Variants in IRAK1BP1 observed in about 807,000 individuals in gnomAD.
IRAK1BP1 encodes the protein interleukin-1 receptor-associated kinase 1-binding protein 1.
Under a neutral mutation model 28.0 loss-of-function variants are expected in IRAK1BP1, and 24 were observed. That is an observed-to-expected ratio of 0.86 (90% CI 0.62 to 1.20). The LOEUF is 1.20. IRAK1BP1 is among the 50% of genes most tolerant of loss of function. The probability of loss-of-function intolerance (pLI) is 0.00; values close to 1 mark genes in which losing one functional copy is unlikely to be tolerated. For missense variants in IRAK1BP1, 336 were observed against 316.7 expected, an observed-to-expected ratio of 1.06 and a Z score of -0.46; for synonymous variants, 131 against 116.3, an observed-to-expected ratio of 1.13 and a Z score of -0.81.
chr6:78,974,689 A>G, the IRAK1BP1 span, among the ~76,000 whole-genome samples: 1 of 152,212 alleles, frequency 6.6e-6, no homozygotes, highest in Non-Finnish European at 1.5e-5. Context: ...GATAAAGGGG[A>G]TATCACCACC....
At chr6:78,970,816 G>A in the IRAK1BP1 span, 1 of 1,610,320 alleles carries the variant, frequency 6.2e-7, no homozygotes, top group Non-Finnish European at 8.5e-7. Context: ...TGTTTTTTGG[G>A]ATTGATACTA....
chr6:78,915,218 C>G (rs1772530173), intron 4 of IRAK1BP1, among the ~76,000 whole-genome samples: 1 of 152,158 alleles, frequency 6.6e-6, no homozygotes, highest in East Asian at 1.9e-4. Flanking sequence ...CTGTATATTA[C>G]AATGCATATG....
At chr6:78,945,175 A>G (rs1773733851) in intron 4 of IRAK1BP1, 1 of 686,460 alleles carries the variant, frequency 1.5e-6, no homozygotes. Flanking sequence ...TAAATTTATC[A>G]ACTAATACAG....
chr6:78,951,098 T>C (rs1256018307), downstream of IRAK1BP1, among the ~76,000 whole-genome samples: 1 of 152,148 alleles, frequency 6.6e-6, no homozygotes, highest in Non-Finnish European at 1.5e-5. Context: ...GTTTGATCCA[T>C]AGATTATTTA....
At chr6:78,879,877 G>A (rs1224965426) in intron 1 of IRAK1BP1, among the ~76,000 whole-genome samples, 1 of 152,212 alleles carries the variant, frequency 6.6e-6, no homozygotes, top group Non-Finnish European at 1.5e-5. Flanking sequence ...AGATATAGTA[G>A]TGAGGTTGGT....
chr6:78,891,883 A>AT (rs1164251474), intron 2 of IRAK1BP1, among the ~76,000 whole-genome samples: 6 of 152,156 alleles, frequency 3.9e-5, no homozygotes, highest in African/African-American at 1.4e-4. Context: ...TTTTCCTTGC[A>AT]TGCCTGCTAT....
the IRAK1BP1 span, among the ~76,000 whole-genome samples, chr6:78,973,202 A>G: frequency 1.3e-5 from 2 of 152,130 alleles, no homozygotes; most frequent in African/African-American, 2.4e-5. Context: ...TACAAGCCAG[A>G]AGAGAGTGGG....
chr6:78,897,385 A>G (rs992365745), intron 2 of IRAK1BP1, among the ~76,000 whole-genome samples: 1 of 152,176 alleles, frequency 6.6e-6, no homozygotes, highest in African/African-American at 2.4e-5. Flanking sequence ...AGAGTGAAAT[A>G]CATTAGCTTC....
intron 2 of IRAK1BP1, among the ~76,000 whole-genome samples, chr6:78,890,450 G>A (rs1481979908): frequency 2.0e-5 from 3 of 150,934 alleles, no homozygotes; most frequent in Non-Finnish European, 4.4e-5. Flanking sequence ...AGCACAGAGT[G>A]AAAGAGAATA....
chr6:78,933,624 A>G (rs1220922028), intron 4 of IRAK1BP1, among the ~76,000 whole-genome samples: 1 of 151,908 alleles, frequency 6.6e-6, no homozygotes, highest in Admixed American at 6.6e-5. Context: ...TCAAACAAAA[A>G]CAAAAACCAA....
At chr6:78,875,676 A>C (rs1206309613) in intron 1 of IRAK1BP1, among the ~76,000 whole-genome samples, 1 of 152,194 alleles carries the variant, frequency 6.6e-6, no homozygotes, top group Non-Finnish European at 1.5e-5. Flanking sequence ...CATTGGGTAC[A>C]CATGGACCCA....
chr6:78,966,127 AACCT>A, the IRAK1BP1 span: 1 of 931,328 alleles, frequency 1.1e-6, no homozygotes, highest in Non-Finnish European at 1.8e-6. Context: ...TCCTAACGTT[AACCT>A]TTAAGTACCT....
At chr6:78,969,963 T>C in the IRAK1BP1 span, 1 of 1,572,712 alleles carries the variant, frequency 6.4e-7, no homozygotes, top group Non-Finnish European at 8.7e-7. Flanking sequence ...TACCTAAAAA[T>C]ACCTAAAAGA....
intron 4 of IRAK1BP1, among the ~76,000 whole-genome samples, chr6:78,922,647 G>A (rs1772769905): frequency 6.6e-6 from 1 of 152,128 alleles, no homozygotes; most frequent in Non-Finnish European, 1.5e-5. Context: ...TGAAATGAAG[G>A]AAAAAATGTT....
chr6:78,953,184 A>T, the IRAK1BP1 span, among the ~76,000 whole-genome samples: 3 of 152,188 alleles, frequency 2.0e-5, no homozygotes, highest in African/African-American at 4.8e-5. Context: ...CTGACACTAG[A>T]ACCACTGGGG....
chr6:78,886,747 G>C (rs1473075820), intron 2 of IRAK1BP1, among the ~76,000 whole-genome samples: 1 of 152,220 alleles, frequency 6.6e-6, no homozygotes, highest in South Asian at 2.1e-4. Context: ...AAACCACTGA[G>C]TTGTCCTAGG....
At chr6:78,937,261 T>C (rs1029987536) in intron 4 of IRAK1BP1, 1 of 151,716 alleles carries the variant, frequency 6.6e-6, no homozygotes, top group Non-Finnish European at 1.5e-5. Flanking sequence ...AGATATACAG[T>C]AGGTATATAT....
At chr6:78,881,422 ATTCTT>A (rs1336537479) in intron 1 of IRAK1BP1, among the ~76,000 whole-genome samples, 8 of 152,300 alleles carry the variant, frequency 5.3e-5, no homozygotes, top group Non-Finnish European at 1.2e-4. Flanking sequence ...TGAAAGAACT[ATTCTT>A]TATGGTACTG....
chr6:78,963,305 G>A, the IRAK1BP1 span: 2 of 1,426,558 alleles, frequency 1.4e-6, no homozygotes, highest in South Asian at 1.3e-5. Context: ...TTAGTATTCA[G>A]GTTAGCTTTA....
Sources: gnomAD v4.1 joint callset for allele counts (sites outside exome capture counted in the v4.1 genomes callset) on GRCh38, gnomAD v4.1.1 for gene constraint, MANE v1.5 for transcripts, NCBI Gene and HGNC (gene_info 2026-07-23, HGNC 2026-07-21) for gene names.